The following DISC1 variants were observed in gnomAD, a reference collection of about 807,000 sequenced individuals.
DISC1 encodes disrupted in schizophrenia 1 protein.
DISC1 carries 57 observed loss-of-function variants against 84.5 expected under a neutral mutation model. The observed-to-expected ratio is 0.67, with a 90% CI of 0.55 to 0.84. The LOEUF (loss-of-function observed/expected upper bound fraction) is 0.84. Among genes scored for constraint, DISC1 ranks in the 40% least tolerant of loss-of-function variants. The probability of loss-of-function intolerance (pLI) is 0.00; values close to 1 mark genes in which losing one functional copy is unlikely to be tolerated. For synonymous variants in DISC1, 411 were observed against 415.2 expected, an observed-to-expected ratio of 0.99 and a Z score of 0.12; for missense variants, 1,000 against 1,057.8, an observed-to-expected ratio of 0.95 and a Z score of 0.76.
chr1:232,036,935 T>A lies in DISC1; in HGVS notation c.*104T>A. ...AAGATGCCTGAATCAATTACGGAGA[T>A]ACAGAGCCTTGAGGTCTTTCAGTGG... is the stretch of plus-strand genomic sequence containing the variant. On this transcript the variant is annotated 3_prime_UTR_variant, in exon 13 of 13. Transcript: ENST00000439617. 7.7e-7 allele frequency: 1 copy of A among 1,297,042 alleles called. No individual in the cohort carries two copies. The highest frequency in any genetic ancestry group is 1.0e-6 in the Non-Finnish European group (1 of 980,144). The allele number at this position is 1,297,042 out of a possible 1,614,324, so 80.3% of individuals were successfully genotyped here.
At chr1:231,742,443 G>A (rs1175880692) in intron 3 of DISC1, among the ~76,000 whole-genome samples, 3 of 152,156 alleles carry the variant, frequency 2.0e-5, no homozygotes, top group South Asian at 2.1e-4. Flanking sequence ...GCAATTGCTG[G>A]TGACCATCCT....
intron 3 of DISC1, among the ~76,000 whole-genome samples, chr1:231,709,268 C>T (rs1272694364): frequency 6.6e-6 from 1 of 152,126 alleles, no homozygotes; most frequent in African/African-American, 2.4e-5. Flanking sequence ...CAAGTGCCAC[C>T]TACTTGAGAT....
chr1:231,763,776 C>G (rs2075964571), intron 4 of DISC1, among the ~76,000 whole-genome samples: 1 of 152,178 alleles, frequency 6.6e-6, no homozygotes, highest in African/African-American at 2.4e-5. Flanking sequence ...TGTAATTTTT[C>G]TGTTGATGCA....
chr1:231,766,886 T>A (rs1188884898), intron 4 of DISC1, among the ~76,000 whole-genome samples: 1 of 152,164 alleles, frequency 6.6e-6, no homozygotes, highest in Non-Finnish European at 1.5e-5. Context: ...TCACATGTGG[T>A]CAGGGGCTAC....
At chr1:231,996,755 C>T (rs539201966) in intron 10 of DISC1, among the ~76,000 whole-genome samples, 3 of 152,120 alleles carry the variant, frequency 2.0e-5, no homozygotes, top group African/African-American at 7.2e-5. Context: ...ATCTCCTAGA[C>T]CCCATTTTAC....
intron 10 of DISC1, among the ~76,000 whole-genome samples, chr1:231,963,221 A>G (rs1482231170): frequency 6.6e-6 from 1 of 151,648 alleles, no homozygotes; most frequent in African/African-American, 2.4e-5. Flanking sequence ...TGTAGCTGAT[A>G]CTTGTTCCCT....
chr1:232,029,418 C>T (rs915943025), intron 12 of DISC1, among the ~76,000 whole-genome samples: 3 of 152,182 alleles, frequency 2.0e-5, no homozygotes, highest in Admixed American at 6.5e-5. Flanking sequence ...AAACCAAAGC[C>T]GTTGTTTCAA....
At chr1:231,936,397 T>A (rs1284705175) in intron 9 of DISC1, among the ~76,000 whole-genome samples, 4 of 152,192 alleles carry the variant, frequency 2.6e-5, no homozygotes, top group Non-Finnish European at 5.9e-5. Flanking sequence ...GTTGCTTCCC[T>A]GCAGGTGAGG....
intron 9 of DISC1, among the ~76,000 whole-genome samples, chr1:231,838,520 C>A (rs1163997553): frequency 1.3e-5 from 2 of 152,174 alleles, no homozygotes. Context: ...GGAAGGAGAA[C>A]AACTGTAGCA....
chr1:231,825,455 C>T (rs992338666), intron 9 of DISC1, among the ~76,000 whole-genome samples: 16 of 152,080 alleles, frequency 1.1e-4, no homozygotes, highest in African/African-American at 3.9e-4. Context: ...GGACTCTGGG[C>T]TTTGATAATG....
chr1:231,723,690 C>G, intron 3 of DISC1: 1 of 985,364 alleles, frequency 1.0e-6, no homozygotes, highest in Non-Finnish European at 1.2e-6. Flanking sequence ...GTGTTATTCT[C>G]AAATTCAGTC....
chr1:231,841,053 A>T, intron 9 of DISC1, among the ~76,000 whole-genome samples: 1 of 152,216 alleles, frequency 6.6e-6, no homozygotes, highest in South Asian at 2.1e-4. Context: ...AAAATCTGGA[A>T]TGCTCCAAAA....
chr1:231,804,633 G>A lies in DISC1; in HGVS notation c.1792+4423G>A, dbSNP rs374797596. Among the ~76,000 whole-genome samples, 18 of 152,194 alleles carry A rather than the reference G, an allele frequency of 1.2e-4. No homozygotes were observed. In the South Asian group the frequency reaches 3.5e-3, roughly 30 times the overall value. ...CCTGGCTCAATGTCTCTTCTTTTTTGATAGCTGTGTTCTCCCATTGGCCAC... is the reference window on the plus strand; with the variant it reads ...CCTGGCTCAATGTCTCTTCTTTTTTAATAGCTGTGTTCTCCCATTGGCCAC... On this transcript the variant is annotated intron_variant, in intron 8 of 12. Coordinates refer to ENST00000439617, the MANE Select transcript of DISC1 (RefSeq NM_018662.3).
chr1:231,862,297 A>G (rs58223926), intron 9 of DISC1, among the ~76,000 whole-genome samples: 7,976 of 152,208 alleles, frequency 0.052, 694 homozygotes, highest in African/African-American at 0.18. Context: ...GCTGCCTCTG[A>G]GCTGAGCATT....
chr1:231,872,399 C>T (rs1243753268), intron 9 of DISC1, among the ~76,000 whole-genome samples: 2 of 152,058 alleles, frequency 1.3e-5, no homozygotes, highest in African/African-American at 4.8e-5. Flanking sequence ...ACCAAATGCT[C>T]CTGAAAGTTT....
chr1:231,959,539 ATT>A, intron 10 of DISC1: 1 of 980,348 alleles, frequency 1.0e-6, no homozygotes, highest in Non-Finnish European at 1.2e-6. Context: ...TATGGAGACC[ATT>A]TTGCTATTAT....
chr1:231,670,074 C>T (rs997351640), intron 1 of DISC1, among the ~76,000 whole-genome samples: 5 of 151,946 alleles, frequency 3.3e-5, no homozygotes, highest in African/African-American at 4.8e-5. Flanking sequence ...CTGGATGGAG[C>T]GGGAGGCCAT....
At chr1:232,036,084 G>A (rs1179582651) in intron 12 of DISC1, among the ~76,000 whole-genome samples, 1 of 152,112 alleles carries the variant, frequency 6.6e-6, no homozygotes, top group Non-Finnish European at 1.5e-5. Context: ...CTAGTTCCTG[G>A]GAATATACTA....
At chr1:231,932,830 G>A (rs2090750636) in intron 9 of DISC1, among the ~76,000 whole-genome samples, 2 of 152,056 alleles carry the variant, frequency 1.3e-5, no homozygotes, top group African/African-American at 2.4e-5. Flanking sequence ...TCTAGAGTTG[G>A]CATCCTAAAA....
Sources: allele counts gnomAD v4.1 joint callset (sites outside exome capture counted in the v4.1 genomes callset), GRCh38; gene constraint gnomAD v4.1.1; transcripts MANE v1.5; gene names NCBI Gene and HGNC (gene_info 2026-07-23, HGNC 2026-07-21).